Variants in KIAA1217 observed in about 807,000 individuals in gnomAD.
KIAA1217 encodes the protein sickle tail protein homolog.
Under a neutral mutation model 163.9 loss-of-function variants are expected in KIAA1217, and 88 were observed. The ratio of observed to expected loss-of-function variants is 0.54; its 90% confidence interval spans 0.45 to 0.64. The LOEUF (loss-of-function observed/expected upper bound fraction) is 0.64, where lower values mean the gene tolerates loss of function less well. Among genes scored for constraint, KIAA1217 ranks in the 30% least tolerant of loss-of-function variants. KIAA1217 has a pLI of 0.00. For missense variants in KIAA1217, 2,372 were observed against 2,475.0 expected (o/e 0.96, Z 0.88); for synonymous variants, 903 against 923.1 (o/e 0.98, Z 0.39).
intron 2 of KIAA1217, among the ~76,000 whole-genome samples, chr10:24,015,965 T>G (rs1847463290): frequency 6.6e-6 from 1 of 151,906 alleles, no homozygotes; most frequent in African/African-American, 2.4e-5. Flanking sequence ...AGGTTTAAAC[T>G]TCCCAGTATG....
At chr10:24,452,331 A>G (rs1302302667) in intron 5 of KIAA1217, among the ~76,000 whole-genome samples, 1 of 152,050 alleles carries the variant, frequency 6.6e-6, no homozygotes, top group Non-Finnish European at 1.5e-5. Flanking sequence ...TGAAACTAAT[A>G]ATAATTTTTT....
intron 1 of KIAA1217, among the ~76,000 whole-genome samples, chr10:23,988,528 A>G (rs1846079566): frequency 6.6e-6 from 1 of 152,184 alleles, no homozygotes; most frequent in African/African-American, 2.4e-5. Flanking sequence ...TTTCTGAACC[A>G]TCTTACTTTG....
chr10:24,015,504 C>T (rs547890503), intron 2 of KIAA1217, among the ~76,000 whole-genome samples: 96 of 151,918 alleles, frequency 6.3e-4, no homozygotes, highest in African/African-American at 2.2e-3. Context: ...ACCCATAATC[C>T]CAGCACTTTG....
intron 1 of KIAA1217, among the ~76,000 whole-genome samples, chr10:23,942,914 C>T (rs1042650810): frequency 1.3e-5 from 2 of 150,724 alleles, no homozygotes; most frequent in African/African-American, 4.9e-5. Flanking sequence ...TCAAGATCAG[C>T]CTGGACAACA....
chr10:24,293,495 C>G (rs570086794), intron 2 of KIAA1217, among the ~76,000 whole-genome samples: 78 of 152,342 alleles, frequency 5.1e-4, no homozygotes, highest in African/African-American at 1.8e-3. Context: ...TCTTTACACA[C>G]AGGAAACAAC....
intron 3 of KIAA1217, among the ~76,000 whole-genome samples, chr10:24,405,662 C>T (rs936479585): frequency 6.6e-6 from 1 of 152,190 alleles, no homozygotes; most frequent in African/African-American, 2.4e-5. Flanking sequence ...AGCATCTGCC[C>T]TGTGTCTGGA....
intron 1 of KIAA1217, among the ~76,000 whole-genome samples, chr10:23,747,077 G>C (rs59486842): frequency 6.6e-6 from 1 of 152,178 alleles, no homozygotes; most frequent in Non-Finnish European, 1.5e-5. Context: ...CGAAGACTAC[G>C]CAGGGCCTAG....
At chr10:23,899,956 C>G (rs1256903589) in intron 1 of KIAA1217, among the ~76,000 whole-genome samples, 1 of 150,776 alleles carries the variant, frequency 6.6e-6, no homozygotes, top group Non-Finnish European at 1.5e-5. Context: ...CTCTCTCTTT[C>G]TCTCTCCCTC....
At chr10:24,486,469 C>A (rs1164196301) in intron 6 of KIAA1217, among the ~76,000 whole-genome samples, 1 of 152,154 alleles carries the variant, frequency 6.6e-6, no homozygotes, top group Non-Finnish European at 1.5e-5. Context: ...ATTTGATTCC[C>A]CTCGCCACAA....
At position 23,824,658 on chromosome 10, in the gene KIAA1217, A is replaced by AATATAT. The variant is rs1199680251; in HGVS notation, c.-321+129443_-321+129448dup. On this transcript the variant is annotated intron_variant, in intron 1 of 18. Transcript: ENST00000376462. ...AAAAAAAAAAAAAAAAAATAAAAAA[A>AATATAT]ATATATATATATATATATATATATG... Among the ~76,000 whole-genome samples, 158 of 52,992 alleles carry AATATAT rather than the reference A, an allele frequency of 3.0e-3. 2 individuals carry two copies. The highest frequency in any genetic ancestry group is 0.023 in the Middle Eastern group (1 of 44). 34.8% of individuals were successfully genotyped at this position (52,992 alleles called of 152,430 possible).
At chr10:24,071,014 A>G (rs2061166954) in intron 2 of KIAA1217, among the ~76,000 whole-genome samples, 1 of 152,196 alleles carries the variant, frequency 6.6e-6, no homozygotes, top group African/African-American at 2.4e-5. Flanking sequence ...AGTAGATAGT[A>G]TATCTACTAA....
chr10:24,433,591 C>G (rs888500215), intron 4 of KIAA1217, among the ~76,000 whole-genome samples: 2 of 152,114 alleles, frequency 1.3e-5, no homozygotes, highest in African/African-American at 4.8e-5. Flanking sequence ...ACCATTTTAT[C>G]TAAGGGTTAG....
intron 2 of KIAA1217, among the ~76,000 whole-genome samples, chr10:24,315,941 A>T (rs1046971740): frequency 6.8e-6 from 1 of 147,184 alleles, no homozygotes; most frequent in South Asian, 2.3e-4. Context: ...GGGGGGGGGA[A>T]TCCAAGGAGC....
chr10:24,264,696 GT>G (rs2076037942), intron 2 of KIAA1217, among the ~76,000 whole-genome samples: 2 of 151,480 alleles, frequency 1.3e-5, no homozygotes, highest in Admixed American at 1.3e-4. Context: ...CTGACAGGCC[GT>G]TTGTTACCAC....
chr10:24,295,847 G>A (rs2040537995), intron 2 of KIAA1217, among the ~76,000 whole-genome samples: 1 of 152,160 alleles, frequency 6.6e-6, no homozygotes, highest in African/African-American at 2.4e-5. Flanking sequence ...TGAGCCAGGA[G>A]TAATTAATTC....
chr10:24,378,033 G>C (rs1281509271), intron 2 of KIAA1217, among the ~76,000 whole-genome samples: 2 of 152,106 alleles, frequency 1.3e-5, no homozygotes, highest in African/African-American at 4.8e-5. Context: ...GAAGATCGTG[G>C]GGGTCTCACA....
intron 1 of KIAA1217, among the ~76,000 whole-genome samples, chr10:23,754,665 T>C (rs6482340): frequency 0.072 from 10,891 of 152,220 alleles, 597 homozygotes; most frequent in African/African-American, 0.15. Flanking sequence ...ATCTCGAGGA[T>C]AAAGTGTCCG....
intron 1 of KIAA1217, among the ~76,000 whole-genome samples, chr10:23,957,638 C>A (rs1342387777): frequency 6.6e-6 from 1 of 152,090 alleles, no homozygotes; most frequent in Non-Finnish European, 1.5e-5. Flanking sequence ...AGGAGACTTG[C>A]TTGAACCTGG....
upstream of KIAA1217, among the ~76,000 whole-genome samples, chr10:24,204,520 T>C (rs1304600886): frequency 2.6e-5 from 4 of 152,212 alleles, no homozygotes; most frequent in African/African-American, 7.2e-5. Flanking sequence ...GGGTCTTTGT[T>C]GGGAAACTCA....
Sources: gnomAD v4.1 joint callset for allele counts (sites outside exome capture counted in the v4.1 genomes callset) on GRCh38, gnomAD v4.1.1 for gene constraint, MANE v1.5 for transcripts, NCBI Gene and HGNC (gene_info 2026-07-23, HGNC 2026-07-21) for gene names.